RBFOX1: variants seen among roughly 807,000 people sequenced by gnomAD.
The protein encoded by RBFOX1 is RNA binding fox-1 homolog 1.
RBFOX1 carries 8 observed loss-of-function variants against 57.7 expected under a neutral mutation model. The ratio of observed to expected loss-of-function variants is 0.14; its 90% confidence interval spans 0.08 to 0.25. The LOEUF is 0.25. Ranked by LOEUF, RBFOX1 falls within the 10% of genes least tolerant of loss-of-function variation. The pLI, the probability that RBFOX1 is intolerant of heterozygous loss-of-function variation, is 1.00. For missense variants in RBFOX1, 611 were observed against 548.5 expected, an observed-to-expected ratio of 1.11 and a Z score of -1.14; for synonymous variants, 326 against 222.4, an observed-to-expected ratio of 1.47 and a Z score of -4.15.
chr16:6,776,989 G>A (rs2079485005), intron 3 of RBFOX1, among the ~76,000 whole-genome samples: 1 of 152,158 alleles, frequency 6.6e-6, no homozygotes, highest in Admixed American at 6.5e-5. Flanking sequence ...TTTTGATGCA[G>A]TTGTAATTAA....
intron 1 of RBFOX1, among the ~76,000 whole-genome samples, chr16:6,240,299 G>A (rs1396570847): frequency 2.0e-5 from 3 of 152,060 alleles, no homozygotes; most frequent in East Asian, 1.9e-4. Context: ...GGCCTAACAC[G>A]GTGTCCTATA....
intron 12 of RBFOX1, among the ~76,000 whole-genome samples, chr16:7,654,404 A>C (rs1260828396): frequency 1.3e-5 from 2 of 152,130 alleles, no homozygotes; most frequent in Non-Finnish European, 2.9e-5. Context: ...AGGGTCACGA[A>C]CCTTTGCCTG....
chr16:6,426,532 G>C (rs368639311), intron 2 of RBFOX1, among the ~76,000 whole-genome samples: 1 of 152,218 alleles, frequency 6.6e-6, no homozygotes, highest in African/African-American at 2.4e-5. Flanking sequence ...CTGGGAGGCC[G>C]AGGTGGGAGG....
At position 7,038,259 on chromosome 16, in the gene RBFOX1, A is replaced by G. The variant is rs974609103; in HGVS notation, c.-15-13798A>G. Among the ~76,000 whole-genome samples, 2 of 152,066 alleles carry G rather than the reference A, an allele frequency of 1.3e-5. 1 individual carries two copies. The highest frequency in any genetic ancestry group is 2.9e-5 in the Non-Finnish European group (2 of 68,016). Reference sequence around the variant, plus strand: ...AGTTACCCAGGACATTTTGGTGAGTATTGCTTGAATTTTCTTAGACTGAGC... The same window carrying G: ...AGTTACCCAGGACATTTTGGTGAGTGTTGCTTGAATTTTCTTAGACTGAGC... On this transcript the variant is annotated intron_variant, in intron 3 of 15. Coordinates refer to ENST00000550418, the MANE Select transcript of RBFOX1 (RefSeq NM_018723.4).
intron 1 of RBFOX1, among the ~76,000 whole-genome samples, chr16:5,394,060 G>A (rs1188149240): frequency 2.6e-5 from 4 of 151,802 alleles, no homozygotes; most frequent in African/African-American, 9.7e-5. Context: ...GTCTTACTCT[G>A]TTGCCCATGT....
intron 4 of RBFOX1, among the ~76,000 whole-genome samples, chr16:7,053,822 C>G (rs932622147): frequency 2.0e-5 from 3 of 152,082 alleles, no homozygotes; most frequent in African/African-American, 7.2e-5. Flanking sequence ...ACATCACGAA[C>G]CAGTGCTTTG....
chr16:6,697,489 G>A (rs1347492288), intron 3 of RBFOX1, among the ~76,000 whole-genome samples: 1 of 152,172 alleles, frequency 6.6e-6, no homozygotes, highest in South Asian at 2.1e-4. Flanking sequence ...AAAACTAAAT[G>A]ATGTACAGAA....
At chr16:5,262,162 G>A (rs2062751470) in intron 1 of RBFOX1, among the ~76,000 whole-genome samples, 1 of 152,198 alleles carries the variant, frequency 6.6e-6, no homozygotes, top group Non-Finnish European at 1.5e-5. Flanking sequence ...TTTGAACTAA[G>A]CCTTGAAATA....
rs74943853 is a variant in RBFOX1 at position 5,848,328 on chromosome 16, C to G, written c.319-18975C>G. On this transcript the variant is annotated intron_variant, in intron 3 of 19. Transcript: ENST00000641259. ...CTATATGGAAACCCCTAACAAAAAC[C>G]GATGTCTTGTTTTCTGGCTCTGGAT... Among the ~76,000 whole-genome samples the G allele has an allele frequency of 3.9e-3, 587 of 152,250 alleles. 3 individuals carry two copies. The highest frequency in any genetic ancestry group is 0.014 in the African/African-American group (573 of 41,528).
intron 2 of RBFOX1, among the ~76,000 whole-genome samples, chr16:6,560,212 T>G (rs2097161933): frequency 6.9e-6 from 1 of 143,994 alleles, no homozygotes; most frequent in South Asian, 2.2e-4. Flanking sequence ...CCTCATGAAG[T>G]CAATATTCTA....
chr16:7,598,530 C>G (rs2152965305), intron 9 of RBFOX1, among the ~76,000 whole-genome samples: 1 of 152,094 alleles, frequency 6.6e-6, no homozygotes, highest in East Asian at 1.9e-4. Flanking sequence ...ACGTTAAAGA[C>G]AAGTCTAAAA....
chr16:5,282,141 A>C (rs2063287295), intron 1 of RBFOX1, among the ~76,000 whole-genome samples: 1 of 152,116 alleles, frequency 6.6e-6, no homozygotes, highest in Non-Finnish European at 1.5e-5. Flanking sequence ...GAGAGGTTTT[A>C]AAAGGAGGAG....
At chr16:6,193,211 G>A (rs1041867144) in intron 1 of RBFOX1, among the ~76,000 whole-genome samples, 7 of 151,170 alleles carry the variant, frequency 4.6e-5, no homozygotes, top group Admixed American at 2.0e-4. Flanking sequence ...GGGGACTCTC[G>A]CAGCAGATTG....
intron 11 of RBFOX1, among the ~76,000 whole-genome samples, chr16:7,632,816 T>G (rs903570735): frequency 2.0e-5 from 3 of 152,254 alleles, no homozygotes; most frequent in Non-Finnish European, 4.4e-5. Flanking sequence ...TAGGGGCTAA[T>G]GGTTACCATA....
chr16:6,575,025 G>T (rs143180075), intron 2 of RBFOX1, among the ~76,000 whole-genome samples: 17,942 of 136,408 alleles, frequency 0.13, 1,356 homozygotes, highest in East Asian at 0.42. Flanking sequence ...GGGACAGAGC[G>T]AGACTCCGTC....
chr16:7,579,697 A>G (rs2093607095), intron 5 of RBFOX1, 80 bp from the exon 6 acceptor site: 6 of 1,551,132 alleles, frequency 3.9e-6, no homozygotes, highest in Middle Eastern at 3.4e-4. Flanking sequence ...TTTTCCTGCC[A>G]CTCATGGCAA....
intron 10 of RBFOX1, among the ~76,000 whole-genome samples, chr16:7,623,774 C>T (rs1352391608): frequency 2.0e-5 from 3 of 152,156 alleles, no homozygotes; most frequent in African/African-American, 7.2e-5. Context: ...TTGGTTTCTT[C>T]TGAGGCCTCT....
intron 3 of RBFOX1, among the ~76,000 whole-genome samples, chr16:6,806,197 T>C (rs1349450667): frequency 6.6e-6 from 1 of 152,162 alleles, no homozygotes; most frequent in Non-Finnish European, 1.5e-5. Flanking sequence ...AGAGAAAAAT[T>C]AGCAAATTAA....
chr16:6,493,041 A>C (rs1029453827), intron 2 of RBFOX1, among the ~76,000 whole-genome samples: 2 of 152,198 alleles, frequency 1.3e-5, no homozygotes, highest in Non-Finnish European at 2.9e-5. Context: ...TTTTCAGCAA[A>C]GATGCCCTAT....
Sources: gnomAD v4.1 joint callset for allele counts (sites outside exome capture counted in the v4.1 genomes callset) on GRCh38, gnomAD v4.1.1 for gene constraint, MANE v1.5 for transcripts, NCBI Gene and HGNC (gene_info 2026-07-23, HGNC 2026-07-21) for gene names.